TUSC3: variants seen among roughly 807,000 people sequenced by gnomAD.
The protein encoded by TUSC3 is tumor suppressor candidate 3.
A neutral mutation model predicts 44.8 loss-of-function variants in TUSC3; 45 were observed. The ratio of observed to expected loss-of-function variants is 1.00; its 90% CI spans 0.79 to 1.29. The LOEUF is 1.29. Ranked by LOEUF, TUSC3 falls within the 50% of genes most tolerant of loss-of-function variation. The pLI is 0.00. For synonymous variants in TUSC3, 212 were observed against 152.9 expected, an observed-to-expected ratio of 1.39 and a Z score of -2.85; for missense variants, 519 against 437.9, an observed-to-expected ratio of 1.19 and a Z score of -1.65.
chr8:15,798,155 A>G, the TUSC3 span, among the ~76,000 whole-genome samples: 4 of 152,226 alleles, frequency 2.6e-5, no homozygotes, highest in Admixed American at 6.5e-5. Flanking sequence ...GGGACAAAGA[A>G]GTACAATCAT....
intron 1 of TUSC3, among the ~76,000 whole-genome samples, chr8:15,610,865 C>T (rs754172816): frequency 2.6e-5 from 4 of 152,092 alleles, no homozygotes; most frequent in African/African-American, 9.7e-5. Context: ...AAATGTGGAT[C>T]TCTCCTCAGG....
chr8:15,611,161 A>C (rs1585151229), intron 1 of TUSC3, among the ~76,000 whole-genome samples: 2 of 152,252 alleles, frequency 1.3e-5, no homozygotes, highest in South Asian at 2.1e-4. Context: ...TTCTGTATCA[A>C]ATATTTCAAA....
the TUSC3 span, among the ~76,000 whole-genome samples, chr8:15,774,883 A>C: frequency 6.6e-6 from 1 of 152,190 alleles, no homozygotes; most frequent in Admixed American, 6.5e-5. Flanking sequence ...GTGGGAATTT[A>C]AAATGAATTG....
At chr8:15,668,736 GCTGTTTTATTCTTA>G (rs1807793233) in intron 5 of TUSC3, among the ~76,000 whole-genome samples, 1 of 151,706 alleles carries the variant, frequency 6.6e-6, no homozygotes, top group Non-Finnish European at 1.5e-5. Context: ...TATCTGAGTA[GCTGTTTTATTCTTA>G]CTCTTTTCAG....
intron 1 of TUSC3, among the ~76,000 whole-genome samples, chr8:15,618,529 C>T (rs1359593365): frequency 6.6e-6 from 1 of 152,134 alleles, no homozygotes; most frequent in Admixed American, 6.5e-5. Flanking sequence ...CATCTTGTCC[C>T]ACTGGGGGGT....
intron 6 of TUSC3, among the ~76,000 whole-genome samples, chr8:15,685,062 C>T (rs545792778): frequency 2.4e-4 from 37 of 152,270 alleles, no homozygotes; most frequent in Non-Finnish European, 1.8e-4. Flanking sequence ...TGGCACACCT[C>T]GGGGCGTGAA....
intron 1 of TUSC3, among the ~76,000 whole-genome samples, chr8:15,581,695 G>A (rs939054567): frequency 1.4e-5 from 2 of 144,806 alleles, no homozygotes; most frequent in Non-Finnish European, 3.0e-5. Flanking sequence ...CCAGCTGCGT[G>A]CTGGGAGAAC....
At chr8:15,607,228 C>G (rs61113907) in intron 1 of TUSC3, among the ~76,000 whole-genome samples, 4,860 of 152,122 alleles carry the variant, frequency 0.032, 108 homozygotes, top group African/African-American at 0.061. Context: ...ACATTTTTTT[C>G]ATTACTTAAT....
the TUSC3 span, among the ~76,000 whole-genome samples, chr8:15,820,000 T>A: frequency 1.3e-5 from 2 of 152,352 alleles, no homozygotes; most frequent in Admixed American, 1.3e-4. Context: ...GCTGACTACA[T>A]GTTTTTCTTA....
the TUSC3 span, among the ~76,000 whole-genome samples, chr8:15,828,546 G>T: frequency 6.6e-6 from 1 of 152,112 alleles, no homozygotes; most frequent in Non-Finnish European, 1.5e-5. Flanking sequence ...TAAACAAATG[G>T]GAATTTTGGT....
chr8:15,667,939 A>T (rs1807745109), intron 5 of TUSC3, among the ~76,000 whole-genome samples: 1 of 151,776 alleles, frequency 6.6e-6, no homozygotes, highest in African/African-American at 2.4e-5. Context: ...AGGAAAATAG[A>T]CGGTTAAAGG....
chr8:15,567,545 A>G (rs113460512), intron 1 of TUSC3, among the ~76,000 whole-genome samples: 132 of 152,276 alleles, frequency 8.7e-4, no homozygotes, highest in Middle Eastern at 3.4e-3. Flanking sequence ...TCAATTGTCA[A>G]TGGCTTTGCA....
At chr8:15,467,632 T>C (rs1233542944) in intron 1 of TUSC3, among the ~76,000 whole-genome samples, 1 of 152,168 alleles carries the variant, frequency 6.6e-6, no homozygotes, top group African/African-American at 2.4e-5. Flanking sequence ...TTGGTTTCTA[T>C]TGGAAACTGC....
rs932960926 is a variant in TUSC3 at position 15,430,438 on chromosome 8, T to C, written n.91+13133T>C. Reference sequence around the variant, plus strand: ...TGACAAAGTTCAACAACCCTTCATGTTAAAAACTCTCAATAAATTAAGTAT... The same window carrying C: ...TGACAAAGTTCAACAACCCTTCATGCTAAAAACTCTCAATAAATTAAGTAT... On this transcript the variant is annotated intron_variant and non_coding_transcript_variant, in intron 1 of 5. Transcript: ENST00000503191. Among the ~76,000 whole-genome samples, 6 of 150,486 alleles carry C rather than the reference T, an allele frequency of 4.0e-5. 1 individual carries two copies. Among genetic ancestry groups the C allele is most frequent in the African/African-American group, 1.2e-4 (5 of 40,522 alleles).
chr8:15,448,478 A>AT (rs1399133847), intron 1 of TUSC3, among the ~76,000 whole-genome samples: 4 of 152,046 alleles, frequency 2.6e-5, no homozygotes, highest in Non-Finnish European at 5.9e-5. Flanking sequence ...ACTTTTGGAG[A>AT]TTTTACCCTT....
intron 1 of TUSC3, among the ~76,000 whole-genome samples, chr8:15,424,054 T>G (rs1219363642): frequency 2.1e-5 from 3 of 142,486 alleles, no homozygotes; most frequent in Non-Finnish European, 4.6e-5. Context: ...GCACTGGTGC[T>G]ATCTTGGCTC....
intron 1 of TUSC3, among the ~76,000 whole-genome samples, chr8:15,592,977 A>G (rs1041017674): frequency 1.3e-5 from 2 of 152,170 alleles, no homozygotes; most frequent in African/African-American, 4.8e-5. Context: ...GTGCTTATGA[A>G]TTTTGAGTGT....
intron 2 of TUSC3, among the ~76,000 whole-genome samples, chr8:15,649,239 C>G (rs2129174987): frequency 6.6e-6 from 1 of 152,062 alleles, no homozygotes; most frequent in African/African-American, 2.4e-5. Flanking sequence ...GGGATGAAGG[C>G]TAACATTGGG....
At chr8:15,663,078 A>C (rs1807497656) in intron 5 of TUSC3, among the ~76,000 whole-genome samples, 1 of 151,894 alleles carries the variant, frequency 6.6e-6, no homozygotes, top group African/African-American at 2.4e-5. Context: ...CCAATAGCCG[A>C]AACTCATTAG....
Sources: gnomAD v4.1 joint callset for allele counts (sites outside exome capture counted in the v4.1 genomes callset) on GRCh38, gnomAD v4.1.1 for gene constraint, MANE v1.5 for transcripts, NCBI Gene and HGNC (gene_info 2026-07-23, HGNC 2026-07-21) for gene names.